Variants in ERBIN observed in about 807,000 individuals in gnomAD.
The protein encoded by ERBIN is densin-180-like protein.
ERBIN carries 60 observed loss-of-function variants against 158.4 expected under a neutral mutation model. The ratio of observed to expected loss-of-function variants is 0.38; its 90% CI spans 0.31 to 0.47. The LOEUF (loss-of-function observed/expected upper bound fraction) is 0.47. Ranked by LOEUF, ERBIN falls within the 20% of genes least tolerant of loss-of-function variation. ERBIN has a pLI of 0.99. For synonymous variants in ERBIN, 594 were observed against 557.2 expected (o/e 1.07, Z -0.93); for missense variants, 1,610 against 1,648.0 (o/e 0.98, Z 0.40).
At chr5:65,938,076 C>T (rs1459693431) in intron 1 of ERBIN, among the ~76,000 whole-genome samples, 1 of 152,110 alleles carries the variant, frequency 6.6e-6, no homozygotes, top group Non-Finnish European at 1.5e-5. Flanking sequence ...TTATGATTTT[C>T]ATCTTGTCAT....
At chr5:65,971,230 T>C (rs1329236427) in intron 1 of ERBIN, among the ~76,000 whole-genome samples, 1 of 151,536 alleles carries the variant, frequency 6.6e-6, no homozygotes, top group Non-Finnish European at 1.5e-5. Context: ...AGATTTATCT[T>C]GTTTGTGCAT....
At chr5:65,986,741 A>G (rs1164155823) in intron 1 of ERBIN, among the ~76,000 whole-genome samples, 1 of 152,256 alleles carries the variant, frequency 6.6e-6, no homozygotes, top group African/African-American at 2.4e-5. Flanking sequence ...TAGTTTTCCC[A>G]CATACCAAGA....
chr5:65,992,417 G>T (rs374374222), intron 2 of ERBIN, among the ~76,000 whole-genome samples: 38 of 152,294 alleles, frequency 2.5e-4, no homozygotes, highest in African/African-American at 8.9e-4. Flanking sequence ...AAAGTGCTGG[G>T]ATTACAGGTG....
At position 66,024,445 on chromosome 5, in the gene ERBIN, C is replaced by G. The variant is rs745994190; in HGVS notation, c.812C>G (p.Thr271Ser). The G allele has an allele frequency of 3.8e-6, 6 of 1,589,332 alleles. No homozygotes were observed. The highest frequency in any genetic ancestry group is 5.1e-6 in the Non-Finnish European group (6 of 1,173,620). ...SSNSLQQLPE[T>S]IGSLKNITTL... The stretch of plus-strand genomic sequence containing the variant: ...AATTCACTTCAGCAGCTTCCTGAGA[C>G]TATTGGTTTGTATTGCTTTCAAATT... Residue 271 changes from threonine (T) to serine (S), a missense_variant, in exon 10 of 26, where the codon ACT (threonine) becomes AGT (serine). Physicochemically the swap from Thr to Ser is moderately conservative, Grantham distance 58 (BLOSUM62 1). This residue lies in a region of ERBIN where 596 missense variants were observed against 711.9 expected (regional missense o/e 0.84). Transcript: ENST00000284037.
chr5:66,023,029 G>GT (rs1250548909), intron 8 of ERBIN: 3 of 303,590 alleles, frequency 9.9e-6, no homozygotes, highest in Non-Finnish European at 1.8e-5. Context: ...GCTTAAATGT[G>GT]TTTTTTGTAA....
intron 3 of ERBIN, among the ~76,000 whole-genome samples, chr5:65,993,771 CTTAAA>C (rs1193200140): frequency 6.6e-6 from 1 of 151,996 alleles, no homozygotes; most frequent in African/African-American, 2.4e-5. Flanking sequence ...ATATAGGACG[CTTAAA>C]TTAGAATTTT....
chr5:66,049,463 A>G (rs1243392652), intron 19 of ERBIN, among the ~76,000 whole-genome samples: 1 of 152,112 alleles, frequency 6.6e-6, no homozygotes. Flanking sequence ...TTTGTTGAGC[A>G]CTAATTGCTT....
At chr5:66,071,278 A>T (rs1197713632) in intron 21 of ERBIN, among the ~76,000 whole-genome samples, 1 of 152,110 alleles carries the variant, frequency 6.6e-6, no homozygotes, top group Non-Finnish European at 1.5e-5. Flanking sequence ...CTGAGGTGGG[A>T]GGATTGCTTG....
chr5:65,972,011 G>A (rs1242249438), intron 1 of ERBIN, among the ~76,000 whole-genome samples: 1 of 152,106 alleles, frequency 6.6e-6, no homozygotes, highest in East Asian at 1.9e-4. Context: ...TGCCTATAAG[G>A]GCTGCAGTTT....
intron 25 of ERBIN, 55 bp downstream of exon 25, chr5:66,077,004 A>G (rs1762040535): frequency 2.3e-6 from 3 of 1,299,912 alleles, no homozygotes; most frequent in Non-Finnish European, 3.3e-6. Flanking sequence ...ATGTTTTCAC[A>G]GTTTAAAATG....
At chr5:65,975,627 T>A (rs1356788120) in intron 1 of ERBIN, among the ~76,000 whole-genome samples, 2 of 152,222 alleles carry the variant, frequency 1.3e-5, no homozygotes, top group Non-Finnish European at 2.9e-5. Flanking sequence ...TGAATTTAGA[T>A]GTTTTAAGAA....
chr5:66,029,595 C>CTGTCT (rs1288885394), intron 14 of ERBIN, among the ~76,000 whole-genome samples: 14 of 151,022 alleles, frequency 9.3e-5, no homozygotes, highest in Non-Finnish European at 1.8e-4. Context: ...CTGTCCTGTC[C>CTGTCT]TGTCTTGTCC....
At chr5:65,939,214 G>A (rs1478093840) in intron 1 of ERBIN, among the ~76,000 whole-genome samples, 1 of 152,124 alleles carries the variant, frequency 6.6e-6, no homozygotes, top group African/African-American at 2.4e-5. Context: ...TGAGGCGGGT[G>A]GATCACGAGG....
At chr5:65,948,244 TG>T (rs1746040441) in intron 1 of ERBIN, among the ~76,000 whole-genome samples, 1 of 151,954 alleles carries the variant, frequency 6.6e-6, no homozygotes, top group South Asian at 2.1e-4. Context: ...TGCAGTGGGT[TG>T]ATCACTGCAG....
chr5:66,050,730 T>G, intron 19 of ERBIN, 53 bp from the exon 20 acceptor site: 1 of 1,222,568 alleles, frequency 8.2e-7, no homozygotes, highest in Non-Finnish European at 1.1e-6. Flanking sequence ...TGAAAAGAAT[T>G]TCACACAATT....
intron 21 of ERBIN, among the ~76,000 whole-genome samples, chr5:66,061,880 C>A (rs1298534217): frequency 1.3e-5 from 2 of 152,218 alleles, no homozygotes; most frequent in African/African-American, 2.4e-5. Context: ...CCCCCACTCT[C>A]TTCTGGCTTG....
chr5:65,999,270 G>A (rs1752780663), intron 4 of ERBIN, among the ~76,000 whole-genome samples: 1 of 152,178 alleles, frequency 6.6e-6, no homozygotes, highest in Non-Finnish European at 1.5e-5. Flanking sequence ...GGAGTCTGAG[G>A]CAGGAGAATT....
At chr5:65,981,215 A>C (rs1291870892) in intron 1 of ERBIN, among the ~76,000 whole-genome samples, 1 of 152,246 alleles carries the variant, frequency 6.6e-6, no homozygotes, top group African/African-American at 2.4e-5. Context: ...TCAAATGGAA[A>C]ATTAGAAAGG....
At chr5:65,930,597 C>T (rs1382551878) in intron 1 of ERBIN, among the ~76,000 whole-genome samples, 4 of 152,146 alleles carry the variant, frequency 2.6e-5, no homozygotes, top group Admixed American at 6.6e-5. Context: ...CATGAGCCAC[C>T]GCTCCCGGCC....
Sources: gnomAD v4.1 joint callset for allele counts (sites outside exome capture counted in the v4.1 genomes callset) on GRCh38, gnomAD v4.1.1 for gene constraint, gnomAD v4.1.1 regional missense constraint, MANE v1.5 for transcripts, NCBI Gene and HGNC (gene_info 2026-07-23, HGNC 2026-07-21) for gene names.